TGFBR2: variants seen among roughly 807,000 people sequenced by gnomAD.
The protein encoded by TGFBR2 is TGF-beta receptor type-2.
In TGFBR2, 18 loss-of-function variants were observed where a neutral mutation model predicts 49.0. The observed-to-expected ratio is 0.37, with a 90% CI of 0.25 to 0.54. The LOEUF is 0.54. Among genes scored for constraint, TGFBR2 ranks in the 20% least tolerant of loss-of-function variants. TGFBR2 has a pLI of 0.85. For missense variants in TGFBR2, 525 were observed against 722.6 expected, an observed-to-expected ratio of 0.73 and a Z score of 3.13; for synonymous variants, 282 against 275.9, an observed-to-expected ratio of 1.02 and a Z score of -0.22.
chr3:30,645,491 C>CTTT (rs771983813), intron 2 of TGFBR2, among the ~76,000 whole-genome samples: 1 of 136,320 alleles, frequency 7.3e-6, no homozygotes, highest in Non-Finnish European at 1.6e-5. Flanking sequence ...CTACATATTT[C>CTTT]TTTTTTTTTT....
intron 5 of TGFBR2, 74 bp from the exon 6 acceptor site, chr3:30,688,310 A>G: frequency 1.9e-6 from 3 of 1,606,178 alleles, no homozygotes; most frequent in Non-Finnish European, 2.6e-6. Flanking sequence ...CCAGCCAGGC[A>G]TCTCACCATG....
intron 5 of TGFBR2, among the ~76,000 whole-genome samples, chr3:30,674,466 A>G (rs2125439741): frequency 6.6e-6 from 1 of 152,344 alleles, no homozygotes; most frequent in East Asian, 1.9e-4. Context: ...ATCTCCTTTT[A>G]TAAACCTTTG....
At chr3:30,640,610 GA>G (rs1215697760) in intron 1 of TGFBR2, among the ~76,000 whole-genome samples, 2 of 152,058 alleles carry the variant, frequency 1.3e-5, no homozygotes, top group East Asian at 3.9e-4. Context: ...ATAATGACAA[GA>G]AAAAAGTCTG....
chr3:30,607,315 A>C (rs146005484), intron 1 of TGFBR2, among the ~76,000 whole-genome samples: 1 of 152,314 alleles, frequency 6.6e-6, no homozygotes, highest in Non-Finnish European at 1.5e-5. Context: ...GCCGGGGAGC[A>C]GCGGCCCGGA....
At chr3:30,632,104 A>G (rs1698449264) in intron 1 of TGFBR2, among the ~76,000 whole-genome samples, 1 of 152,166 alleles carries the variant, frequency 6.6e-6, no homozygotes, top group African/African-American at 2.4e-5. Flanking sequence ...TAATTCTTTC[A>G]TCAGCTGTGA....
chr3:30,653,382 G>C (rs1396983127), intron 3 of TGFBR2, among the ~76,000 whole-genome samples: 1 of 149,948 alleles, frequency 6.7e-6, no homozygotes, highest in African/African-American at 2.4e-5. Flanking sequence ...CTCTCAAGTA[G>C]CTGGGATTAC....
In TGFBR2 at chr3:30,650,364, A is replaced by C. The variant is rs2125410292; in HGVS notation, c.358A>C (p.Lys120Gln). ...DFILEDAASP[K>Q]CIMKEKKKPG... Reference sequence around the variant, plus strand: ...TATTCTGGAAGATGCTGCTTCTCCAAAGTGCATTATGAAGGAAAAAAAAAA... The same window carrying C: ...TATTCTGGAAGATGCTGCTTCTCCACAGTGCATTATGAAGGAAAAAAAAAA... The change falls in exon 3 of 7, where the codon AAG becomes CAG. Residue 120 changes from lysine (K) to glutamine (Q), a missense_variant. By Grantham distance (53) the Lys-to-Gln change is moderately conservative. This residue lies in a region of TGFBR2 where 376 missense variants were observed against 478.2 expected (regional missense o/e 0.79). Coordinates refer to ENST00000295754, the MANE Select transcript of TGFBR2 (RefSeq NM_003242.6). The C allele has an allele frequency of 1.2e-6, 2 of 1,614,012 alleles. No individual in the cohort carries two copies. Among genetic ancestry groups the C allele is most frequent in the Non-Finnish European group, 1.7e-6 (2 of 1,179,954 alleles).
intron 3 of TGFBR2, among the ~76,000 whole-genome samples, chr3:30,653,722 A>G (rs539781458): frequency 3.3e-5 from 5 of 152,210 alleles, no homozygotes; most frequent in Admixed American, 6.5e-5. Context: ...TACCTTTTTT[A>G]ATATGTAAGA....
intron 1 of TGFBR2, 55 bp downstream of exon 1, chr3:30,607,032 C>T (rs1697935960): frequency 1.4e-6 from 2 of 1,457,092 alleles, no homozygotes; most frequent in African/African-American, 2.8e-5. Flanking sequence ...CCTGGGGTCC[C>T]CGCCTCTCCG....
At chr3:30,689,104 G>A (rs953673659) in intron 6 of TGFBR2, among the ~76,000 whole-genome samples, 2 of 152,172 alleles carry the variant, frequency 1.3e-5, no homozygotes, top group Non-Finnish European at 2.9e-5. Flanking sequence ...TGGAAGGAAC[G>A]AGAAATCTGT....
chr3:30,608,478 G>A (rs1697974735), intron 1 of TGFBR2, among the ~76,000 whole-genome samples: 1 of 152,072 alleles, frequency 6.6e-6, no homozygotes, highest in Non-Finnish European at 1.5e-5. Flanking sequence ...TGTAGACTTT[G>A]GATGAAATGT....
intron 4 of TGFBR2, among the ~76,000 whole-genome samples, chr3:30,673,775 A>G (rs1699383780): frequency 6.6e-6 from 1 of 152,204 alleles, no homozygotes; most frequent in Admixed American, 6.5e-5. Flanking sequence ...AAATATCACA[A>G]ATATTGTCTC....
Position 30,683,079 on chromosome 3 carries a change from A to G in TGFBR2, c.1397-5305A>G, listed in dbSNP as rs140190022. 7.2e-5 allele frequency among the ~76,000 whole-genome samples: 11 copies of G among 152,334 alleles called. No individual in the cohort carries two copies. The East Asian group carries it at 1.7e-3, about 24-fold the overall frequency. ...TGCTCTTCCTGGAATCCAGTGTACT[A>G]TTTGGGCCTCAGTTTTCTCAACTGT... On this transcript the variant is annotated intron_variant, in intron 5 of 6. Coordinates refer to ENST00000295754, the MANE Select transcript of TGFBR2 (RefSeq NM_003242.6).
At chr3:30,670,908 A>G (rs571616412) in intron 3 of TGFBR2, among the ~76,000 whole-genome samples, 2 of 152,366 alleles carry the variant, frequency 1.3e-5, no homozygotes, top group South Asian at 4.1e-4. Context: ...GTCCAAAGAG[A>G]TCCTTTCCAT....
intron 6 of TGFBR2, among the ~76,000 whole-genome samples, chr3:30,689,919 C>T (rs1699684849): frequency 6.6e-6 from 1 of 152,194 alleles, no homozygotes; most frequent in Non-Finnish European, 1.5e-5. Flanking sequence ...CCTGTAATTA[C>T]AGTGCCAGAA....
At chr3:30,685,615 C>T (rs1172879887) in intron 5 of TGFBR2, among the ~76,000 whole-genome samples, 2 of 152,186 alleles carry the variant, frequency 1.3e-5, no homozygotes, top group Non-Finnish European at 2.9e-5. Flanking sequence ...CATAGTTACC[C>T]ACCAAGAGCC....
At chr3:30,659,120 A>G (rs1222645869) in intron 3 of TGFBR2, among the ~76,000 whole-genome samples, 5 of 152,344 alleles carry the variant, frequency 3.3e-5, no homozygotes, top group East Asian at 3.9e-4. Flanking sequence ...GATTTTAGGT[A>G]TGCTGCCTTG....
Position 30,691,804 on chromosome 3 carries a change from G to A in TGFBR2, c.*205G>A. On this transcript the variant is annotated 3_prime_UTR_variant, in exon 7 of 7. Coordinates refer to ENST00000295754, the MANE Select transcript of TGFBR2 (RefSeq NM_003242.6). The stretch of plus-strand genomic sequence containing the variant: ...TTCTATGCCTTTGACATTGTCATAG[G>A]ATAAGCTGTGTTAGCACTTCCTCAG... 3 of 594,956 alleles carry A rather than the reference G, an allele frequency of 5.0e-6. No individual in the cohort carries two copies. The highest frequency in any genetic ancestry group is 3.7e-5 in the African/African-American group (2 of 53,834). The allele number at this position is 594,956 out of a possible 1,614,324, so 36.9% of individuals were successfully genotyped here.
At chr3:30,614,751 T>G (rs1045488105) in intron 1 of TGFBR2, among the ~76,000 whole-genome samples, 1 of 152,128 alleles carries the variant, frequency 6.6e-6, no homozygotes, top group Non-Finnish European at 1.5e-5. Flanking sequence ...AGTCAATAAA[T>G]TTGCCTAAGT....
Sources: gnomAD v4.1 joint callset for allele counts (sites outside exome capture counted in the v4.1 genomes callset) on GRCh38, gnomAD v4.1.1 for gene constraint, gnomAD v4.1.1 regional missense constraint, MANE v1.5 for transcripts, NCBI Gene and HGNC (gene_info 2026-07-23, HGNC 2026-07-21) for gene names.